KIAA1958: variants seen among roughly 807,000 people sequenced by gnomAD.
KIAA1958 encodes uncharacterized protein KIAA1958.
A neutral mutation model predicts 47.2 loss-of-function variants in KIAA1958; 14 were observed. That is an observed-to-expected ratio of 0.30 (90% CI 0.20 to 0.46). KIAA1958 has a LOEUF of 0.46. Among genes scored for constraint, KIAA1958 ranks in the 20% least tolerant of loss-of-function variants. The pLI, the probability that KIAA1958 is intolerant of heterozygous loss-of-function variation, is 1.00. For synonymous variants in KIAA1958, 354 were observed against 353.3 expected (o/e 1.00, Z -0.02); for missense variants, 803 against 909.2 (o/e 0.88, Z 1.50).
chr9:112,574,678 A>T lies in KIAA1958; in HGVS notation c.598A>T (p.Ile200Phe), dbSNP rs1352728228. 1 of 1,614,052 alleles carries T rather than the reference A, an allele frequency of 6.2e-7. No homozygotes were observed. The highest frequency in any genetic ancestry group is 1.7e-5 in the Admixed American group (1 of 60,002). Residue 200 changes from isoleucine to phenylalanine, a missense_variant, in exon 2 of 4, where the codon ATC becomes TTC. Around this residue, in one of 2 missense-constraint regions of KIAA1958, gnomAD observed 761 missense variants for 829.3 expected, o/e 0.92. Transcript: ENST00000337530. ...TGACGAATGCAGCAATGATGTCATC[A>T]TCAAGAAAATCAAACAAGAAATCCC... ...MVDECSNDVI[I>F]KKIKQEIPED...
intron 2 of KIAA1958, among the ~76,000 whole-genome samples, chr9:112,617,565 C>T (rs1836428357): frequency 1.3e-5 from 2 of 152,192 alleles, no homozygotes; most frequent in Admixed American, 6.5e-5. Flanking sequence ...CACATTTTTC[C>T]TAAAACGAAG....
intron 2 of KIAA1958, among the ~76,000 whole-genome samples, chr9:112,614,754 A>G (rs1407008525): frequency 2.0e-5 from 3 of 152,186 alleles, no homozygotes; most frequent in African/African-American, 7.2e-5. Context: ...CCCAGTAGAA[A>G]AGAGGGAAAG....
chr9:112,562,449 G>A (rs1835349999), intron 1 of KIAA1958, among the ~76,000 whole-genome samples: 1 of 152,142 alleles, frequency 6.6e-6, no homozygotes, highest in Non-Finnish European at 1.5e-5. Context: ...CAGCTCACAT[G>A]AGTTGTATCT....
chr9:112,657,602 T>C (rs988031538), intron 3 of KIAA1958, among the ~76,000 whole-genome samples: 3 of 152,158 alleles, frequency 2.0e-5, no homozygotes, highest in African/African-American at 7.2e-5. Context: ...ATTTTTGCCT[T>C]AATTAAGGGC....
chr9:112,534,137 A>G (rs1429956955), intron 1 of KIAA1958, among the ~76,000 whole-genome samples: 2 of 152,216 alleles, frequency 1.3e-5, no homozygotes, highest in East Asian at 3.8e-4. Context: ...GGAATAGCAG[A>G]AGTACCTGTG....
chr9:112,591,822 G>C (rs961813637), intron 2 of KIAA1958, among the ~76,000 whole-genome samples: 1 of 152,102 alleles, frequency 6.6e-6, no homozygotes, highest in Non-Finnish European at 1.5e-5. Context: ...ATAAAGTTAC[G>C]GTGCCACAAA....
At chr9:112,504,434 C>G (rs536698908) in intron 1 of KIAA1958, among the ~76,000 whole-genome samples, 1 of 152,298 alleles carries the variant, frequency 6.6e-6, no homozygotes, top group Admixed American at 6.5e-5. Flanking sequence ...AGTGATCCAC[C>G]GGCCTCGGCC....
At chr9:112,492,058 C>T (rs867923549) in intron 1 of KIAA1958, among the ~76,000 whole-genome samples, 1 of 152,148 alleles carries the variant, frequency 6.6e-6, no homozygotes, top group South Asian at 2.1e-4. Context: ...ATTTCTGGGA[C>T]GGAGTTGACA....
chr9:112,579,313 CT>C (rs1261705629), intron 2 of KIAA1958, among the ~76,000 whole-genome samples: 1 of 152,016 alleles, frequency 6.6e-6, no homozygotes, highest in Non-Finnish European at 1.5e-5. Flanking sequence ...TTAGGAAGTC[CT>C]TTCCATACAT....
At chr9:112,617,487 G>A (rs974171201) in intron 2 of KIAA1958, among the ~76,000 whole-genome samples, 1 of 152,286 alleles carries the variant, frequency 6.6e-6, no homozygotes, top group Middle Eastern at 3.4e-3. Context: ...GAAGTGATTC[G>A]GAATGAGTTT....
At chr9:112,506,051 G>A (rs1030872317) in intron 1 of KIAA1958, among the ~76,000 whole-genome samples, 2 of 152,174 alleles carry the variant, frequency 1.3e-5, no homozygotes, top group Non-Finnish European at 2.9e-5. Context: ...AATTAAGAAT[G>A]AACAAATTGT....
rs1004572513 is a variant in KIAA1958, at chr9:112,669,301, T to C, written c.*9232T>C. The C allele has an allele frequency of 1.3e-4, 20 of 152,362 alleles. No individual in the cohort carries two copies. Among genetic ancestry groups the C allele is most frequent in the African/African-American group, 4.8e-4 (20 of 41,584 alleles). The allele number at this position is 152,362 out of a possible 1,614,324, so 9.4% of individuals were successfully genotyped here. On this transcript the variant is annotated 3_prime_UTR_variant, in exon 4 of 4. Transcript: ENST00000337530. ...CAATTTGTAAGGACCTGGGTTATAT[T>C]TTAAAGGTGGTTGTTGTTGTTGTTT... is the stretch of plus-strand genomic sequence containing the variant.
At chr9:112,617,590 C>G (rs1172600701) in intron 2 of KIAA1958, among the ~76,000 whole-genome samples, 1 of 152,196 alleles carries the variant, frequency 6.6e-6, no homozygotes, top group African/African-American at 2.4e-5. Context: ...TCTCTAATCT[C>G]TCTCTTTCGA....
At chr9:112,566,106 T>G (rs894439229) in intron 1 of KIAA1958, among the ~76,000 whole-genome samples, 2 of 152,072 alleles carry the variant, frequency 1.3e-5, no homozygotes, top group Non-Finnish European at 2.9e-5. Context: ...GGTTTCACCA[T>G]GTTAGCCAGG....
In KIAA1958 at chr9:112,664,058, G is replaced by C. The variant is rs140164951; in HGVS notation, c.*3989G>C. 6.6e-6 allele frequency: 1 copy of C among 152,242 alleles called. No individual in the cohort carries two copies. The allele number at this position is 152,242 out of a possible 1,614,324, so 9.4% of individuals were successfully genotyped here. A position where few individuals can be genotyped will look rare whatever the true frequency, so the allele number is the denominator to read the frequency against. ...TAAAGTGCCATCAGTGGGATGGATCGTCTTCACGGTGAACCGTGTTACACT... is the reference window on the plus strand; with the variant it reads ...TAAAGTGCCATCAGTGGGATGGATCCTCTTCACGGTGAACCGTGTTACACT... On this transcript the variant is annotated 3_prime_UTR_variant, in exon 4 of 4. Coordinates refer to ENST00000337530, the MANE Select transcript of KIAA1958 (RefSeq NM_133465.4).
chr9:112,555,845 C>T (rs978797576), intron 1 of KIAA1958, among the ~76,000 whole-genome samples: 16 of 152,146 alleles, frequency 1.1e-4, no homozygotes, highest in Non-Finnish European at 1.5e-4. Context: ...GAGGCCAAGG[C>T]GGGCAGATCA....
chr9:112,530,044 C>T (rs1385797075), intron 1 of KIAA1958, among the ~76,000 whole-genome samples: 3 of 152,030 alleles, frequency 2.0e-5, no homozygotes, highest in Non-Finnish European at 4.4e-5. Flanking sequence ...AGGGTTTCAC[C>T]GTGTTAGCCA....
intron 1 of KIAA1958, among the ~76,000 whole-genome samples, chr9:112,492,475 A>G (rs1353103615): frequency 1.3e-5 from 2 of 152,208 alleles, no homozygotes; most frequent in East Asian, 3.8e-4. Context: ...GATGAATTTG[A>G]GAGGAATACA....
intron 1 of KIAA1958, among the ~76,000 whole-genome samples, chr9:112,537,063 TCCTCCCCTCC>T (rs750967433): frequency 1.3e-5 from 2 of 151,396 alleles, no homozygotes; most frequent in Admixed American, 6.6e-5. Flanking sequence ...ACAAGGTATT[TCCTCCCCTCC>T]CCTCCCCTCC....
Sources: allele counts gnomAD v4.1 joint callset (sites outside exome capture counted in the v4.1 genomes callset), GRCh38; gene constraint gnomAD v4.1.1; regional missense constraint gnomAD v4.1.1; transcripts MANE v1.5; gene names NCBI Gene and HGNC (gene_info 2026-07-23, HGNC 2026-07-21).